The following IL1R1 variants were observed in gnomAD, a reference collection of about 807,000 sequenced individuals.
The protein encoded by IL1R1 is interleukin-1 receptor type 1.
A neutral mutation model predicts 50.2 loss-of-function variants in IL1R1; 22 were observed. The ratio of observed to expected loss-of-function variants is 0.44; its 90% CI spans 0.31 to 0.63. The LOEUF is 0.63. Among genes scored for constraint, IL1R1 ranks in the 20% least tolerant of loss-of-function variants. The pLI is 0.07. For missense variants in IL1R1, 509 were observed against 676.2 expected, an observed-to-expected ratio of 0.75 and a Z score of 2.74; for synonymous variants, 251 against 236.7, an observed-to-expected ratio of 1.06 and a Z score of -0.55.
At chr2:102,173,808 C>G (rs1370651001) in intron 9 of IL1R1, among the ~76,000 whole-genome samples, 1 of 152,000 alleles carries the variant, frequency 6.6e-6, no homozygotes, top group African/African-American at 2.4e-5. Context: ...CAAGTATAGT[C>G]ATGGTGGTCT....
At chr2:102,095,637 T>G (rs895014779) in intron 1 of IL1R1, among the ~76,000 whole-genome samples, 1 of 152,252 alleles carries the variant, frequency 6.6e-6, no homozygotes, top group African/African-American at 2.4e-5. Context: ...AAATAGCTGC[T>G]CTTCTGAACG....
intron 1 of IL1R1, among the ~76,000 whole-genome samples, chr2:102,099,196 T>A (rs113764888): frequency 2.6e-5 from 4 of 152,220 alleles, no homozygotes; most frequent in Non-Finnish European, 5.9e-5. Context: ...ATAGTAGGCT[T>A]GGTTTCCTAT....
upstream of IL1R1, among the ~76,000 whole-genome samples, chr2:102,101,158 C>T (rs1273259761): frequency 6.6e-6 from 1 of 152,140 alleles, no homozygotes; most frequent in African/African-American, 2.4e-5. Flanking sequence ...GGGGTGGGCC[C>T]TAATGTTCTG....
At position 102,142,928 on chromosome 2, in the gene IL1R1, C is replaced by T. The variant is rs1682792636; in HGVS notation, c.-176C>T. 6.6e-6 allele frequency: 1 copy of T among 152,114 alleles called. No homozygotes were observed. The highest frequency in any genetic ancestry group is 1.5e-5 in the Non-Finnish European group (1 of 68,032). 9.4% of individuals were successfully genotyped at this position (152,114 alleles called of 1,614,324 possible). ...TCGCGCGCCCGCGCACCGAAGCACT[C>T]CTCGCTCGGCTCCTAGGGCTCTCGC... On this transcript the variant is annotated 5_prime_UTR_variant, in exon 1 of 12. Transcript: ENST00000410023.
intron 1 of IL1R1, among the ~76,000 whole-genome samples, chr2:102,071,232 A>C (rs994750082): frequency 6.6e-6 from 1 of 152,182 alleles, no homozygotes; most frequent in Non-Finnish European, 1.5e-5. Flanking sequence ...GAAGAAATAA[A>C]AGCTCCCTCT....
intron 1 of IL1R1, among the ~76,000 whole-genome samples, chr2:102,108,297 A>G (rs939676552): frequency 6.6e-6 from 1 of 151,886 alleles, no homozygotes; most frequent in Non-Finnish European, 1.5e-5. Context: ...ATTCAGTAGC[A>G]GTGTTTAGTG....
At chr2:102,130,423 T>A (rs1681965481) in intron 1 of IL1R1, among the ~76,000 whole-genome samples, 2 of 152,196 alleles carry the variant, frequency 1.3e-5, no homozygotes, top group African/African-American at 4.8e-5. Context: ...AAATAGTAGA[T>A]TTGATCTTTA....
chr2:102,168,239 C>T (rs1027494495), intron 6 of IL1R1, among the ~76,000 whole-genome samples: 11 of 152,144 alleles, frequency 7.2e-5, no homozygotes, highest in Non-Finnish European at 1.6e-4. Flanking sequence ...GCCCTTCTGG[C>T]CAATAACACC....
intron 3 of IL1R1, among the ~76,000 whole-genome samples, chr2:102,164,256 C>T (rs750574110): frequency 2.0e-5 from 3 of 152,150 alleles, no homozygotes; most frequent in Admixed American, 6.5e-5. Flanking sequence ...CCCAGGTTCT[C>T]AGCTCCATCT....
chr2:102,095,601 C>T (rs756576478), intron 1 of IL1R1, among the ~76,000 whole-genome samples: 2 of 152,180 alleles, frequency 1.3e-5, no homozygotes, highest in Non-Finnish European at 2.9e-5. Context: ...GTATACCTCT[C>T]TTTCTACCTC....
intron 1 of IL1R1, among the ~76,000 whole-genome samples, chr2:102,136,569 G>C (rs967250225): frequency 6.6e-6 from 1 of 151,914 alleles, no homozygotes; most frequent in Non-Finnish European, 1.5e-5. Context: ...GTAGAGACGG[G>C]GTTTCCCCAT....
chr2:102,168,982 T>C (rs1022192518), intron 7 of IL1R1, among the ~76,000 whole-genome samples: 3 of 152,136 alleles, frequency 2.0e-5, no homozygotes, highest in Non-Finnish European at 2.9e-5. Context: ...TTCTTTCTTT[T>C]TTTTTTTTTC....
chr2:102,102,651 T>C (rs1299162354), upstream of IL1R1, among the ~76,000 whole-genome samples: 1 of 150,248 alleles, frequency 6.7e-6, no homozygotes, highest in Non-Finnish European at 1.5e-5. Context: ...AGCCATCCCA[T>C]TGTTGGGTAT....
chr2:102,113,848 G>C (rs571802192), intron 1 of IL1R1, among the ~76,000 whole-genome samples: 1 of 152,078 alleles, frequency 6.6e-6, no homozygotes, highest in Non-Finnish European at 1.5e-5. Context: ...TATGATTTTT[G>C]ATTTGTCTCT....
rs983946859 is a variant in IL1R1 at position 102,075,995 on chromosome 2, T to C, written c.-84+5462T>C. 3.3e-5 allele frequency among the ~76,000 whole-genome samples: 5 copies of C among 152,228 alleles called. No homozygotes were observed. The South Asian group carries it at 1.0e-3, about 31-fold the overall frequency. On this transcript the variant is annotated intron_variant, in intron 1 of 11. Coordinates refer to the IL1R1 transcript ENST00000409929. The stretch of plus-strand genomic sequence containing the variant: ...TGCTTCAGGTATGATATAAGAACTT[T>C]ATAACGCTTTCATTTCTCCCTTCCT...
intron 1 of IL1R1, among the ~76,000 whole-genome samples, chr2:102,086,839 A>G (rs941404736): frequency 8.5e-5 from 13 of 152,128 alleles, no homozygotes; most frequent in Admixed American, 4.6e-4. Flanking sequence ...TTTTTTGAGC[A>G]TATTGATACA....
At chr2:102,155,443 G>A (rs746889042) in intron 2 of IL1R1, among the ~76,000 whole-genome samples, 7 of 152,194 alleles carry the variant, frequency 4.6e-5, no homozygotes, top group Non-Finnish European at 1.0e-4. Flanking sequence ...CCCTGCCTTG[G>A]AATTTCTGTG....
intron 1 of IL1R1, among the ~76,000 whole-genome samples, chr2:102,109,992 T>C (rs1680655690): frequency 6.6e-6 from 1 of 152,230 alleles, no homozygotes. Context: ...AACTTTTCCA[T>C]ATGATTTTGA....
intron 1 of IL1R1, among the ~76,000 whole-genome samples, chr2:102,125,857 G>A (rs969239346): frequency 1.3e-5 from 2 of 152,172 alleles, no homozygotes; most frequent in South Asian, 4.1e-4. Flanking sequence ...AATAAGACAC[G>A]GAATTTGAAA....
Sources: gnomAD v4.1 joint callset for allele counts (sites outside exome capture counted in the v4.1 genomes callset) on GRCh38, gnomAD v4.1.1 for gene constraint, MANE v1.5 for transcripts, NCBI Gene and HGNC (gene_info 2026-07-23, HGNC 2026-07-21) for gene names.